The following CDH9 variants were observed in gnomAD, a reference collection of about 807,000 sequenced individuals.
CDH9 encodes the protein cadherin-9.
CDH9 carries 28 observed loss-of-function variants against 70.9 expected under a neutral mutation model. That is an observed-to-expected ratio of 0.40 (90% CI 0.29 to 0.54). The LOEUF (loss-of-function observed/expected upper bound fraction) is 0.54, where lower values mean the gene tolerates loss of function less well. Ranked by LOEUF, CDH9 falls within the 20% of genes least tolerant of loss-of-function variation. The pLI, the probability that CDH9 is intolerant of heterozygous loss-of-function variation, is 0.59. For synonymous variants in CDH9, 409 were observed against 343.1 expected, an observed-to-expected ratio of 1.19 and a Z score of -2.12; for missense variants, 874 against 984.4, an observed-to-expected ratio of 0.89 and a Z score of 1.50.
At chr5:26,910,903 T>G (rs140540605) in intron 3 of CDH9, among the ~76,000 whole-genome samples, 3,215 of 146,114 alleles carry the variant, frequency 0.022, 93 homozygotes, top group African/African-American at 0.076. Flanking sequence ...TAAATGTTTG[T>G]GCTGTGGGGG....
At chr5:26,893,681 A>T (rs1482875179) in intron 7 of CDH9, among the ~76,000 whole-genome samples, 2 of 83,206 alleles carry the variant, frequency 2.4e-5, no homozygotes, top group African/African-American at 3.5e-5. Flanking sequence ...ATATATATAT[A>T]TTTTATTTTA....
intron 9 of CDH9, among the ~76,000 whole-genome samples, chr5:26,887,451 AAT>A (rs1013861108): frequency 1.8e-4 from 27 of 150,266 alleles, no homozygotes; most frequent in African/African-American, 6.5e-4. Context: ...CAATTAGGGT[AAT>A]ATATATTAAA....
chr5:26,892,458 A>T (rs1356086767), intron 7 of CDH9, among the ~76,000 whole-genome samples: 2 of 152,172 alleles, frequency 1.3e-5, no homozygotes, highest in Admixed American at 1.3e-4. Flanking sequence ...AGGCTATGGG[A>T]TGAAGTGATT....
chr5:26,936,865 A>C (rs1413964620), intron 2 of CDH9, among the ~76,000 whole-genome samples: 1 of 118,708 alleles, frequency 8.4e-6, no homozygotes, highest in Non-Finnish European at 2.0e-5. Flanking sequence ...ACACACACGC[A>C]CACACACACA....
chr5:27,035,700 GT>G (rs1489760672), intron 1 of CDH9, among the ~76,000 whole-genome samples: 13 of 151,030 alleles, frequency 8.6e-5, no homozygotes, highest in African/African-American at 1.9e-4. Flanking sequence ...GTGTGTGTGT[GT>G]GTGTGTGTGG....
chr5:26,934,575 A>G (rs1054324423), intron 2 of CDH9, among the ~76,000 whole-genome samples: 1 of 152,130 alleles, frequency 6.6e-6, no homozygotes, highest in African/African-American at 2.4e-5. Context: ...CCCACCTCCA[A>G]CCATGGGGAT....
intron 11 of CDH9, among the ~76,000 whole-genome samples, chr5:26,883,077 AT>A (rs1740497841): frequency 7.6e-6 from 1 of 131,782 alleles, no homozygotes; most frequent in African/African-American, 2.8e-5. Context: ...ATATATATAT[AT>A]ATATATATAT....
intron 9 of CDH9, among the ~76,000 whole-genome samples, chr5:26,888,490 C>CAA (rs5866809): frequency 6.6e-6 from 1 of 151,626 alleles, no homozygotes; most frequent in African/African-American, 2.4e-5. Flanking sequence ...GCATCAAATT[C>CAA]AAAAAAATCA....
chr5:26,905,254 G>T (rs1279237530), intron 5 of CDH9, among the ~76,000 whole-genome samples: 1 of 152,060 alleles, frequency 6.6e-6, no homozygotes, highest in Non-Finnish European at 1.5e-5. Context: ...AGGACATCAT[G>T]AAATGCAAAG....
chr5:26,890,636 A>C, intron 7 of CDH9, 72 bp from the exon 8 acceptor site: 1 of 1,067,696 alleles, frequency 9.4e-7, no homozygotes. Context: ...TTAAAGCTAT[A>C]GGTAATTTCC....
At position 26,881,484 on chromosome 5, in the gene CDH9, A is replaced by G; in HGVS notation, c.2022T>C (p.Ile674=). 1 of 1,613,790 alleles carries G rather than the reference A, an allele frequency of 6.2e-7. No individual in the cohort carries two copies. The highest frequency in any genetic ancestry group is 2.2e-5 in the East Asian group (1 of 44,868). ...GGEEDTQAFD[I]GTLRNPEARE... ...TTGCCTCTGGATTCCTTAATGTGCCAATGTCAAAAGCTTGGGTATCTTCTT... is the reference window on the plus strand; with the variant it reads ...TTGCCTCTGGATTCCTTAATGTGCCGATGTCAAAAGCTTGGGTATCTTCTT... Residue 674 remains isoleucine, a synonymous_variant, in exon 12 of 12, where the codon ATT becomes ATC. Transcript: ENST00000231021.
chr5:26,948,363 C>T (rs956099074), intron 2 of CDH9, among the ~76,000 whole-genome samples: 2 of 152,178 alleles, frequency 1.3e-5, no homozygotes, highest in African/African-American at 4.8e-5. Context: ...TAGAATTCAA[C>T]AAAATATTCA....
At chr5:27,012,709 T>G (rs567709252) in intron 1 of CDH9, among the ~76,000 whole-genome samples, 25 of 152,150 alleles carry the variant, frequency 1.6e-4, no homozygotes, top group Admixed American at 9.2e-4. Context: ...GGTTTCAAAG[T>G]GTAAAAATGT....
At chr5:26,940,253 T>A (rs1158097982) in intron 2 of CDH9, among the ~76,000 whole-genome samples, 1 of 151,806 alleles carries the variant, frequency 6.6e-6, no homozygotes, top group Non-Finnish European at 1.5e-5. Context: ...TCCTAGAACA[T>A]GATATAATGT....
intron 2 of CDH9, among the ~76,000 whole-genome samples, chr5:26,926,449 A>G (rs1247366693): frequency 6.6e-6 from 1 of 152,158 alleles, no homozygotes. Context: ...AGAGCACACA[A>G]ACAAATGGAA....
At chr5:26,948,880 T>A (rs1044157969) in intron 2 of CDH9, among the ~76,000 whole-genome samples, 1 of 152,158 alleles carries the variant, frequency 6.6e-6, no homozygotes, top group Non-Finnish European at 1.5e-5. Context: ...CAATCTTCAC[T>A]GGAATGATTT....
chr5:26,890,311 T>C (rs538201700), intron 8 of CDH9, 117 bp downstream of exon 8: 1 of 778,728 alleles, frequency 1.3e-6, no homozygotes, highest in Non-Finnish European at 2.1e-6. Flanking sequence ...AAGCCATTTC[T>C]CTAAGATCTT....
chr5:26,977,621 T>C (rs1342892180), intron 2 of CDH9, among the ~76,000 whole-genome samples: 3 of 151,890 alleles, frequency 2.0e-5, no homozygotes, highest in African/African-American at 4.8e-5. Flanking sequence ...TCATGTGTCA[T>C]GTAAAATATG....
intron 1 of CDH9, among the ~76,000 whole-genome samples, chr5:27,031,648 G>A (rs1005989090): frequency 1.3e-5 from 2 of 151,942 alleles, no homozygotes; most frequent in South Asian, 4.1e-4. Context: ...AAGGGTTGCA[G>A]TGATCCCAAA....
Sources: gnomAD v4.1 joint callset for allele counts (sites outside exome capture counted in the v4.1 genomes callset) on GRCh38, gnomAD v4.1.1 for gene constraint, MANE v1.5 for transcripts, NCBI Gene and HGNC (gene_info 2026-07-23, HGNC 2026-07-21) for gene names.